Variants in PLEKHA6 observed in about 807,000 individuals in gnomAD.
PLEKHA6 encodes pleckstrin homology domain-containing family A member 6.
Under a neutral mutation model 116.7 loss-of-function variants are expected in PLEKHA6, and 60 were observed. The observed-to-expected ratio is 0.51, with a 90% CI of 0.42 to 0.64. The LOEUF is 0.64. Among genes scored for constraint, PLEKHA6 ranks in the 30% least tolerant of loss-of-function variants. PLEKHA6 has a pLI of 0.00. For synonymous variants in PLEKHA6, 489 were observed against 556.1 expected, an observed-to-expected ratio of 0.88 and a Z score of 1.70; for missense variants, 1,338 against 1,422.7, an observed-to-expected ratio of 0.94 and a Z score of 0.96.
At chr1:204,302,647 C>T (rs1377363295) in intron 1 of PLEKHA6, among the ~76,000 whole-genome samples, 4 of 152,106 alleles carry the variant, frequency 2.6e-5, no homozygotes, top group African/African-American at 7.2e-5. Context: ...GAGGCCGAGG[C>T]GGGCAGATTA....
At chr1:204,278,339 T>C (rs1399009067) in intron 1 of PLEKHA6, among the ~76,000 whole-genome samples, 1 of 152,260 alleles carries the variant, frequency 6.6e-6, no homozygotes, top group Non-Finnish European at 1.5e-5. Context: ...CTTTTTGATA[T>C]CACGTTTCAG....
At position 204,238,017 on chromosome 1, in the gene PLEKHA6, G is replaced by T. The variant is rs959425036; in HGVS notation, c.2409+3358C>A. Among the ~76,000 whole-genome samples the T allele has an allele frequency of 3.3e-5, 5 of 152,306 alleles. No individual in the cohort carries two copies. Among genetic ancestry groups the T allele is most frequent in the Admixed American group, 2.0e-4 (3 of 15,306 alleles). ...GGCCTGTTGAGATATTCCTTCTAAGGCGAAGGATATGTTGCTGCATTTGGC... is the reference window on the plus strand; with the variant it reads ...GGCCTGTTGAGATATTCCTTCTAAGTCGAAGGATATGTTGCTGCATTTGGC... On this transcript the variant is annotated intron_variant, in intron 17 of 22. Coordinates refer to ENST00000272203, the MANE Select transcript of PLEKHA6 (RefSeq NM_014935.5). This position sits in a 1 kb window ranked among gnomAD's most constrained non-coding sequence, Gnocchi z 4.2.
At chr1:204,274,985 G>T in intron 1 of PLEKHA6, 176 bp from the exon 2 acceptor site, 1 of 438,762 alleles carries the variant, frequency 2.3e-6, no homozygotes, top group Non-Finnish European at 3.0e-6. Context: ...GAGGGTGGGG[G>T]CGGGGTGGGG....
chr1:204,223,507 G>A lies in PLEKHA6; in HGVS notation c.3110C>T (p.Pro1037Leu), dbSNP rs1356025645. 7.1e-6 allele frequency: 11 copies of A among 1,550,430 alleles called. No homozygotes were observed. Among genetic ancestry groups the A allele is most frequent in the Non-Finnish European group, 9.6e-6 (11 of 1,145,940 alleles). Residue 1037 changes from proline (P) to leucine (L), a missense_variant, in exon 22 of 23, where the codon CCA (proline) becomes CTA (leucine). Pro to Leu is a moderately conservative substitution (Grantham distance 98). Transcript: ENST00000272203. The surrounding 1 kb of genome is among the most constrained non-coding windows in gnomAD (Gnocchi z 4.8). ...PPANPLSSES[P>L]RGADSSYTMR... is the part of the protein sequence containing the mutation. ...GGTATAGCTGCTGTCGGCGCCCCGT[G>A]GGGATTCAGACGACAGGGGGTTTGC...
chr1:204,372,240 A>C (rs568324477), intron 1 of PLEKHA6, among the ~76,000 whole-genome samples: 1 of 152,340 alleles, frequency 6.6e-6, no homozygotes, highest in South Asian at 2.1e-4. Flanking sequence ...CCCTAGATTC[A>C]GACCTAGATT....
At chr1:204,308,687 CTTTT>C (rs60251937) in intron 1 of PLEKHA6, among the ~76,000 whole-genome samples, 3 of 81,404 alleles carry the variant, frequency 3.7e-5, no homozygotes, top group South Asian at 5.0e-4. Flanking sequence ...TTTTCTTTTT[CTTTT>C]TTTTTTTTTT....
intron 1 of PLEKHA6, among the ~76,000 whole-genome samples, chr1:204,315,407 GA>G (rs1013140133): frequency 6.6e-6 from 1 of 152,162 alleles, no homozygotes; most frequent in Non-Finnish European, 1.5e-5. Flanking sequence ...CAACCTGACT[GA>G]ACTTTGCAAC....
chr1:204,253,714 G>C (rs1331358822), intron 9 of PLEKHA6, among the ~76,000 whole-genome samples: 1 of 151,838 alleles, frequency 6.6e-6, no homozygotes. Flanking sequence ...CCTGTCTGTA[G>C]TCCTAGCTGC....
intron 1 of PLEKHA6, among the ~76,000 whole-genome samples, chr1:204,337,025 A>G (rs1167326157): frequency 1.3e-5 from 2 of 152,246 alleles, no homozygotes; most frequent in Non-Finnish European, 2.9e-5. Context: ...AGAGTTTTTA[A>G]AATCTCATCT....
intron 1 of PLEKHA6, among the ~76,000 whole-genome samples, chr1:204,288,105 C>A (rs1482300785): frequency 6.6e-6 from 1 of 152,174 alleles, no homozygotes; most frequent in Non-Finnish European, 1.5e-5. Context: ...ACTTACTCAC[C>A]GGCTCTTCTT....
chr1:204,368,194 C>A (rs2103407946), intron 2 of PLEKHA6, among the ~76,000 whole-genome samples: 1 of 152,284 alleles, frequency 6.6e-6, no homozygotes, highest in South Asian at 2.1e-4. Context: ...CCTGTGCCAG[C>A]CCCTGGATAC....
rs768169022 is a variant in PLEKHA6 at position 204,241,776 on chromosome 1, G to A, written c.2211C>T (p.His737=). Residue 737 remains histidine (H), a synonymous_variant, in exon 16 of 23, where the codon CAC becomes CAT. Transcript: ENST00000272203. ...ANYEQSKKDP[H]QTLPLDTPRD... is the part of the protein sequence containing the mutation. ...TGGGGGTGTCCAGGGGCAATGTCTGGTGGGGGTCTTTCTTGCTTTGTTCAT... is the reference window on the plus strand; with the variant it reads ...TGGGGGTGTCCAGGGGCAATGTCTGATGGGGGTCTTTCTTGCTTTGTTCAT... 1.9e-5 allele frequency: 31 copies of A among 1,614,158 alleles called. No individual in the cohort carries two copies. The highest frequency in any genetic ancestry group is 2.6e-5 in the Non-Finnish European group (31 of 1,179,980).
intron 1 of PLEKHA6, among the ~76,000 whole-genome samples, chr1:204,335,750 G>A (rs1672625308): frequency 6.6e-6 from 1 of 152,026 alleles, no homozygotes; most frequent in African/African-American, 2.4e-5. Flanking sequence ...AGCCCCGGGG[G>A]AGTGAAAGGG....
intron 1 of PLEKHA6, among the ~76,000 whole-genome samples, chr1:204,316,612 G>A (rs143713566): frequency 6.6e-6 from 1 of 152,236 alleles, no homozygotes; most frequent in East Asian, 1.9e-4. Flanking sequence ...AGAGATGGAG[G>A]TCCTTCTAAA....
chr1:204,356,986 AC>A (rs1308858289), intron 1 of PLEKHA6, among the ~76,000 whole-genome samples: 1 of 152,244 alleles, frequency 6.6e-6, no homozygotes, highest in Admixed American at 6.5e-5. Flanking sequence ...AAATAAGGTA[AC>A]AACCTAAATG....
In PLEKHA6 at chr1:204,220,043, T is replaced by A. The variant is rs1659486532; in HGVS notation, c.*2745A>T. On this transcript the variant is annotated 3_prime_UTR_variant, in exon 23 of 23. Transcript: ENST00000272203. ...AAGGAGTGTGACAAGTCCAAGGAAC[T>A]TGTATGTGTCTGTGCTACAGGGCCA... 6.6e-6 allele frequency: 1 copy of A among 152,142 alleles called. No homozygotes were observed. Among genetic ancestry groups the A allele is most frequent in the African/African-American group, 2.4e-5 (1 of 41,418 alleles). The allele number at this position is 152,142 out of a possible 1,614,324, so 9.4% of individuals were successfully genotyped here. A position where few individuals can be genotyped will look rare whatever the true frequency, so the allele number is the denominator to read the frequency against.
At chr1:204,333,151 G>C (rs76877494) in intron 1 of PLEKHA6, among the ~76,000 whole-genome samples, 3 of 152,188 alleles carry the variant, frequency 2.0e-5, no homozygotes, top group Non-Finnish European at 4.4e-5. Flanking sequence ...TCCACCAGGC[G>C]GGAAATGAAA....
intron 17 of PLEKHA6, among the ~76,000 whole-genome samples, chr1:204,233,738 T>C (rs1186378347): frequency 2.0e-5 from 3 of 152,142 alleles, no homozygotes; most frequent in Non-Finnish European, 2.9e-5. Flanking sequence ...CGTGAACCAC[T>C]GCACCTGGCC....
chr1:204,243,340 G>A (rs1449093002), intron 15 of PLEKHA6: 1 of 399,420 alleles, frequency 2.5e-6, no homozygotes, highest in Non-Finnish European at 4.4e-6. Context: ...AGCGTTAGCA[G>A]GAGGCAGACA....
Sources: gnomAD v4.1 joint callset for allele counts (sites outside exome capture counted in the v4.1 genomes callset) on GRCh38, gnomAD v4.1.1 for gene constraint, Gnocchi (gnomAD v3.1) non-coding constraint, MANE v1.5 for transcripts, NCBI Gene and HGNC (gene_info 2026-07-23, HGNC 2026-07-21) for gene names.